The following SLC25A13 variants were observed in gnomAD, a reference collection of about 807,000 sequenced individuals.
SLC25A13 encodes the protein solute carrier family 25 member 13, also known as electrogenic aspartate/glutamate antiporter SLC25A13, mitochondrial.
SLC25A13 carries 70 observed loss-of-function variants against 85.5 expected under a neutral mutation model. That is an observed-to-expected ratio of 0.82 (90% CI 0.68 to 1.00). SLC25A13 has a LOEUF of 1.00. SLC25A13 is among the 50% of genes least tolerant of loss of function. SLC25A13 has a pLI of 0.00. For synonymous variants in SLC25A13, 259 were observed against 288.7 expected, an observed-to-expected ratio of 0.90 and a Z score of 1.04; for missense variants, 765 against 819.8, an observed-to-expected ratio of 0.93 and a Z score of 0.82.
At chr7:96,134,838 A>G (rs1792205410) in intron 14 of SLC25A13, among the ~76,000 whole-genome samples, 1 of 111,096 alleles carries the variant, frequency 9.0e-6, no homozygotes, top group Admixed American at 9.5e-5. Flanking sequence ...GTAGAATTGC[A>G]ACACTAAAGG....
chr7:96,298,788 A>G (rs896194523), intron 1 of SLC25A13, among the ~76,000 whole-genome samples: 18 of 152,140 alleles, frequency 1.2e-4, no homozygotes, highest in African/African-American at 2.2e-4. Context: ...CTGCTGTTCA[A>G]TAGAGGAGAA....
chr7:96,304,801 C>A (rs1799683212), intron 1 of SLC25A13, among the ~76,000 whole-genome samples: 3 of 152,122 alleles, frequency 2.0e-5, no homozygotes, highest in African/African-American at 7.2e-5. Context: ...GCGCCAGGCA[C>A]CGAGGAGAAA....
intron 1 of SLC25A13, among the ~76,000 whole-genome samples, chr7:96,312,639 C>T (rs1447404563): frequency 6.6e-6 from 1 of 151,354 alleles, no homozygotes; most frequent in Non-Finnish European, 1.5e-5. Flanking sequence ...GACAAACAGT[C>T]GTCGTCACTT....
At chr7:96,265,083 C>T (rs1470424612) in intron 3 of SLC25A13, among the ~76,000 whole-genome samples, 2 of 152,122 alleles carry the variant, frequency 1.3e-5, no homozygotes, top group African/African-American at 2.4e-5. Flanking sequence ...TTTGATACAA[C>T]ACCAAATCCC....
intron 15 of SLC25A13, among the ~76,000 whole-genome samples, chr7:96,127,989 T>G (rs6961695): frequency 0.26 from 38,842 of 152,024 alleles, 5,040 homozygotes; most frequent in East Asian, 0.34. Context: ...CATTTGTGCT[T>G]GCTCACTGCC....
At chr7:96,228,398 C>T (rs1301438990) in intron 4 of SLC25A13, among the ~76,000 whole-genome samples, 2 of 152,102 alleles carry the variant, frequency 1.3e-5, no homozygotes, top group Non-Finnish European at 2.9e-5. Context: ...TGTCATATAA[C>T]CCATTAGGAA....
intron 2 of SLC25A13, among the ~76,000 whole-genome samples, chr7:96,285,658 C>G (rs567004985): frequency 9.9e-5 from 15 of 152,140 alleles, no homozygotes; most frequent in Non-Finnish European, 2.1e-4. Context: ...AACGCAGGCC[C>G]TTGGGGTATG....
At chr7:96,195,474 T>C (rs1795025170) in intron 5 of SLC25A13, among the ~76,000 whole-genome samples, 3 of 152,208 alleles carry the variant, frequency 2.0e-5, no homozygotes, top group African/African-American at 7.2e-5. Context: ...TGGTTCTGAC[T>C]GTCAGTCTGG....
chr7:96,155,485 T>C (rs1201089098), intron 13 of SLC25A13, among the ~76,000 whole-genome samples: 1 of 152,188 alleles, frequency 6.6e-6, no homozygotes, highest in Non-Finnish European at 1.5e-5. Flanking sequence ...CTGAAGGCTG[T>C]GGCTCTGCCC....
intron 1 of SLC25A13, among the ~76,000 whole-genome samples, chr7:96,299,991 T>A (rs1799493391): frequency 6.6e-6 from 1 of 152,232 alleles, no homozygotes; most frequent in African/African-American, 2.4e-5. Flanking sequence ...CACCATCATA[T>A]ATGCAGTCCT....
intron 3 of SLC25A13, among the ~76,000 whole-genome samples, chr7:96,241,387 A>G (rs748777935): frequency 7.2e-5 from 11 of 152,256 alleles, no homozygotes; most frequent in Non-Finnish European, 1.5e-4. Context: ...TGGTGAAAAA[A>G]GTACAAACAA....
chr7:96,146,462 T>C, intron 14 of SLC25A13, 94 bp downstream of exon 14: 1 of 1,516,154 alleles, frequency 6.6e-7, no homozygotes, highest in Non-Finnish European at 9.0e-7. Context: ...GGTGTAGAAA[T>C]GCAAAAAAAA....
chr7:96,121,766 C>G (rs752227596), intron 16 of SLC25A13, 21 bp from the exon 17 acceptor site: 1 of 1,613,898 alleles, frequency 6.2e-7, no homozygotes, highest in Non-Finnish European at 8.5e-7. Context: ...ATGGAGAAAT[C>G]ACAGATATAA....
intron 3 of SLC25A13, among the ~76,000 whole-genome samples, chr7:96,256,340 A>C (rs2116880924): frequency 6.6e-6 from 1 of 152,320 alleles, no homozygotes; most frequent in Non-Finnish European, 1.5e-5. Context: ...ACATGCAAAG[A>C]CACACAGGCT....
At chr7:96,133,159 G>A (rs911218094) in intron 14 of SLC25A13, among the ~76,000 whole-genome samples, 1 of 152,176 alleles carries the variant, frequency 6.6e-6, no homozygotes, top group African/African-American at 2.4e-5. Context: ...ATTCTGTCAT[G>A]TTGGCTCTTC....
intron 1 of SLC25A13, among the ~76,000 whole-genome samples, chr7:96,312,144 T>G (rs1799972691): frequency 6.6e-6 from 1 of 152,368 alleles, no homozygotes; most frequent in South Asian, 2.1e-4. Flanking sequence ...ACACTGGTTA[T>G]GTGCTTGGGC....
chr7:96,315,985 G>A (rs886457683), intron 1 of SLC25A13, among the ~76,000 whole-genome samples: 2 of 152,054 alleles, frequency 1.3e-5, no homozygotes, highest in Non-Finnish European at 2.9e-5. Context: ...TTAGCTGGGT[G>A]TGGTGGTGTG....
chr7:96,227,874 T>C (rs1426085729), intron 4 of SLC25A13, among the ~76,000 whole-genome samples: 1 of 152,164 alleles, frequency 6.6e-6, no homozygotes, highest in Non-Finnish European at 1.5e-5. Context: ...ATTTTTTTTT[T>C]CTGTTTTGAG....
At chr7:96,209,801 T>G (rs533218723) in intron 4 of SLC25A13, among the ~76,000 whole-genome samples, 2 of 152,282 alleles carry the variant, frequency 1.3e-5, no homozygotes, top group Admixed American at 1.3e-4. Context: ...ATTTTTAGCC[T>G]CCTCCTCTTG....
Sources: allele counts gnomAD v4.1 joint callset (sites outside exome capture counted in the v4.1 genomes callset), GRCh38; gene constraint gnomAD v4.1.1; transcripts MANE v1.5; gene names NCBI Gene and HGNC (gene_info 2026-07-23, HGNC 2026-07-21).